GRID2: variants seen among roughly 807,000 people sequenced by gnomAD.
GRID2 encodes the protein glutamate receptor ionotropic, delta-2.
GRID2 carries 33 observed loss-of-function variants against 114.8 expected under a neutral mutation model. That is an observed-to-expected ratio of 0.29 (90% CI 0.22 to 0.38). The LOEUF (loss-of-function observed/expected upper bound fraction) is 0.38. Among genes scored for constraint, GRID2 ranks in the 10% least tolerant of loss-of-function variants. The pLI is 1.00. For synonymous variants in GRID2, 505 were observed against 449.9 expected (o/e 1.12, Z -1.55); for missense variants, 1,184 against 1,257.7 (o/e 0.94, Z 0.89).
chr4:93,258,994 A>T (rs2149545454), intron 8 of GRID2: 1 of 430,314 alleles, frequency 2.3e-6, no homozygotes, highest in Admixed American at 2.7e-5. Context: ...CCACTGAGGC[A>T]GCGAAGTCAG....
intron 8 of GRID2, among the ~76,000 whole-genome samples, chr4:93,324,804 A>T (rs1197885276): frequency 1.3e-5 from 2 of 151,502 alleles, no homozygotes; most frequent in African/African-American, 2.4e-5. Context: ...TGTCTTCTAG[A>T]TTTTCTAGTT....
At chr4:92,671,556 AACAG>A (rs1366348049) in intron 2 of GRID2, among the ~76,000 whole-genome samples, 1 of 152,086 alleles carries the variant, frequency 6.6e-6, no homozygotes, top group African/African-American at 2.4e-5. Flanking sequence ...CCAAGTTCCA[AACAG>A]ACAGTTTTTC....
intron 4 of GRID2, among the ~76,000 whole-genome samples, chr4:93,163,290 G>T (rs1737859700): frequency 6.9e-6 from 1 of 144,290 alleles, no homozygotes; most frequent in Non-Finnish European, 1.5e-5. Context: ...AAAATATCAA[G>T]AGTGGTTATC....
chr4:93,665,666 A>G (rs1442874750), intron 14 of GRID2, among the ~76,000 whole-genome samples: 6 of 152,170 alleles, frequency 3.9e-5, no homozygotes, highest in Non-Finnish European at 7.4e-5. Flanking sequence ...ATAAGTTGAC[A>G]TTCATTAAGT....
intron 13 of GRID2, among the ~76,000 whole-genome samples, chr4:93,546,919 C>G (rs574763562): frequency 4.6e-4 from 70 of 152,102 alleles, no homozygotes; most frequent in Non-Finnish European, 8.2e-4. Flanking sequence ...TTAGGTATAT[C>G]ATAGAAAAAG....
At chr4:93,132,214 C>T (rs1316352307) in intron 4 of GRID2, among the ~76,000 whole-genome samples, 2 of 152,212 alleles carry the variant, frequency 1.3e-5, no homozygotes, top group Admixed American at 1.3e-4. Context: ...GTAAATTTCA[C>T]ATTCTCCTCA....
intron 12 of GRID2, among the ~76,000 whole-genome samples, chr4:93,508,293 T>C (rs1578151853): frequency 6.7e-6 from 1 of 149,152 alleles, no homozygotes; most frequent in African/African-American, 2.5e-5. Flanking sequence ...TGCCTCCGGG[T>C]TCAAGCGATT....
intron 10 of GRID2, among the ~76,000 whole-genome samples, chr4:93,452,915 T>A (rs2149407411): frequency 6.6e-6 from 1 of 151,826 alleles, no homozygotes; most frequent in Admixed American, 6.6e-5. Context: ...ATACTTTAAG[T>A]TTTAGGGTAC....
chr4:93,217,777 C>T (rs1744407040), intron 6 of GRID2, among the ~76,000 whole-genome samples: 1 of 152,074 alleles, frequency 6.6e-6, no homozygotes, highest in South Asian at 2.1e-4. Context: ...AAAGGTATCA[C>T]TGCAGTATAA....
intron 1 of GRID2, among the ~76,000 whole-genome samples, chr4:92,393,780 A>G (rs1311065963): frequency 1.3e-5 from 2 of 152,206 alleles, no homozygotes; most frequent in East Asian, 3.9e-4. Flanking sequence ...CTGAATAAAC[A>G]TAATAAAGCT....
At chr4:93,351,775 C>T (rs1760827982) in intron 8 of GRID2, among the ~76,000 whole-genome samples, 1 of 151,914 alleles carries the variant, frequency 6.6e-6, no homozygotes, top group African/African-American at 2.4e-5. Flanking sequence ...AAGTAATTTG[C>T]CTACATTTAC....
chr4:93,205,022 C>G (rs1246361553), intron 4 of GRID2, among the ~76,000 whole-genome samples: 2 of 152,024 alleles, frequency 1.3e-5, no homozygotes, highest in African/African-American at 4.8e-5. Context: ...ACATATTTCT[C>G]TTTATTTTAC....
At chr4:93,324,947 C>T (rs1757664695) in intron 8 of GRID2, among the ~76,000 whole-genome samples, 2 of 151,996 alleles carry the variant, frequency 1.3e-5, no homozygotes, top group Admixed American at 6.6e-5. Context: ...ATTAGTCTTG[C>T]TAGCGGTCTA....
chr4:93,681,454 A>C (rs1239158687), intron 14 of GRID2, among the ~76,000 whole-genome samples: 1 of 151,536 alleles, frequency 6.6e-6, no homozygotes, highest in Admixed American at 6.6e-5. Flanking sequence ...GGAACCAAAA[A>C]AGAGCCCGCA....
intron 2 of GRID2, among the ~76,000 whole-genome samples, chr4:92,921,120 C>T (rs1050349912): frequency 6.6e-6 from 1 of 152,178 alleles, no homozygotes; most frequent in African/African-American, 2.4e-5. Context: ...CACTGATACC[C>T]TTTCTTCCAG....
intron 2 of GRID2, among the ~76,000 whole-genome samples, chr4:92,918,180 G>A (rs530947515): frequency 6.6e-6 from 1 of 152,094 alleles, no homozygotes; most frequent in South Asian, 2.1e-4. Context: ...AAGAATGATT[G>A]TTATTTTTGC....
At chr4:93,100,521 C>T (rs937615564) in intron 3 of GRID2, among the ~76,000 whole-genome samples, 6 of 151,834 alleles carry the variant, frequency 4.0e-5, no homozygotes, top group South Asian at 2.1e-4. Context: ...TTGCTATTCA[C>T]GTGTTGGGAA....
At chr4:92,354,908 C>A (rs144924163) in intron 1 of GRID2, among the ~76,000 whole-genome samples, 1,749 of 152,034 alleles carry the variant, frequency 0.012, 25 homozygotes, top group African/African-American at 0.04. Context: ...ATTACGCTAT[C>A]ATTTAGAAAA....
At chr4:93,623,289 A>G (rs1742381396) in intron 13 of GRID2, among the ~76,000 whole-genome samples, 1 of 150,954 alleles carries the variant, frequency 6.6e-6, no homozygotes, top group Admixed American at 6.6e-5. Context: ...TATTTCTCCT[A>G]ATGCTATCTC....
Sources: gnomAD v4.1 joint callset for allele counts (sites outside exome capture counted in the v4.1 genomes callset) on GRCh38, gnomAD v4.1.1 for gene constraint, MANE v1.5 for transcripts, NCBI Gene and HGNC (gene_info 2026-07-23, HGNC 2026-07-21) for gene names.